C10orf88: variants seen among roughly 807,000 people sequenced by gnomAD.
C10orf88 encodes chromosome 10 open reading frame 88.
C10orf88 carries 29 observed loss-of-function variants against 34.2 expected under a neutral mutation model. The observed-to-expected ratio is 0.85, with a 90% CI of 0.63 to 1.16. The LOEUF (loss-of-function observed/expected upper bound fraction) is 1.16, where lower values mean the gene tolerates loss of function less well. Among genes scored for constraint, C10orf88 ranks in the 50% most tolerant of loss-of-function variants. The pLI is 0.00. For missense variants in C10orf88, 507 were observed against 533.2 expected (o/e 0.95, Z 0.48); for synonymous variants, 194 against 197.4 (o/e 0.98, Z 0.15).
At chr10:122,934,636 T>C (rs1470691481) in intron 5 of C10orf88, among the ~76,000 whole-genome samples, 2 of 152,130 alleles carry the variant, frequency 1.3e-5, no homozygotes, top group African/African-American at 4.8e-5. Context: ...TGTGTACAAG[T>C]TTCTGTGTGG....
intron 4 of C10orf88, among the ~76,000 whole-genome samples, chr10:122,945,735 T>C (rs1848633107): frequency 6.6e-6 from 1 of 152,206 alleles, no homozygotes; most frequent in Non-Finnish European, 1.5e-5. Flanking sequence ...AATGAGTTTG[T>C]GTTTTAAGCT....
intron 3 of C10orf88, among the ~76,000 whole-genome samples, chr10:122,950,137 G>GAACTGA (rs1564723134): frequency 2.0e-5 from 3 of 152,164 alleles, no homozygotes; most frequent in African/African-American, 7.2e-5. Flanking sequence ...TTTAACTTAC[G>GAACTGA]ACTCTGGTAC....
At chr10:122,939,833 G>T (rs769526783) in intron 4 of C10orf88, among the ~76,000 whole-genome samples, 13 of 151,818 alleles carry the variant, frequency 8.6e-5, no homozygotes, top group Admixed American at 1.3e-4. Context: ...TAAGTAGGCA[G>T]AACATTTAAA....
chr10:122,933,438 C>T (rs1848504357), intron 5 of C10orf88: 2 of 152,228 alleles, frequency 1.3e-5, no homozygotes, highest in South Asian at 4.1e-4. Flanking sequence ...CAACTGCACT[C>T]CAGCCTGGGT....
intron 5 of C10orf88, 123 bp from the exon 6 acceptor site, chr10:122,932,784 C>A (rs1848496806): frequency 4.4e-6 from 3 of 683,208 alleles, no homozygotes; most frequent in South Asian, 2.0e-5. Context: ...TGTCTTCTTA[C>A]AATGCATTTC....
intron 4 of C10orf88, among the ~76,000 whole-genome samples, chr10:122,941,243 C>A (rs182107854): frequency 6.6e-6 from 1 of 152,130 alleles, no homozygotes; most frequent in Admixed American, 6.6e-5. Flanking sequence ...ATATAGAATT[C>A]CTATTCAAGA....
At chr10:122,945,861 C>T (rs1224984915) in intron 4 of C10orf88, among the ~76,000 whole-genome samples, 1 of 152,004 alleles carries the variant, frequency 6.6e-6, no homozygotes, top group Non-Finnish European at 1.5e-5. Context: ...CTTTGGGAGG[C>T]CAAGGCAGGT....
At position 122,937,718 on chromosome 10, in the gene C10orf88, T is replaced by C; in HGVS notation, c.1090A>G (p.Ile364Val). ...AATAATACTTACCCAACACCAAGAA[T>C]GCGTTCACCATGCTTGGTGATGTTT... ...QENITKHGER[I>V]LGVGMEEQSI... Residue 364 changes from isoleucine to valine, a missense_variant, in exon 5 of 6, where the codon ATT (isoleucine) becomes GTT (valine). Transcript: ENST00000481909. 1.2e-6 allele frequency: 2 copies of C among 1,603,966 alleles called. No homozygotes were observed. The highest frequency in any genetic ancestry group is 1.7e-6 in the Non-Finnish European group (2 of 1,174,590).
rs576917874 is a variant in C10orf88 at position 122,952,831 on chromosome 10, G to A, written c.366C>T (p.Asp122=). The change falls in exon 2 of 6, where the codon GAC becomes GAT. Residue 122 remains aspartate (D), a splice_region_variant and synonymous_variant. Transcript: ENST00000481909. The part of the protein sequence containing the change: ...RGKNVCTVLD[D]SEHEKIILYK... ...TTTCCCGTGTACAAGTCACACACCT[G>A]TCATCCAGGACAGTACAAACATTCT... is the stretch of plus-strand genomic sequence containing the variant. 4 of 1,614,016 alleles carry A rather than the reference G, an allele frequency of 2.5e-6. No individual in the cohort carries two copies. Among genetic ancestry groups the A allele is most frequent in the Non-Finnish European group, 3.4e-6 (4 of 1,179,996 alleles).
chr10:122,947,534 A>G (rs536981823), intron 4 of C10orf88, among the ~76,000 whole-genome samples: 2 of 152,216 alleles, frequency 1.3e-5, no homozygotes, highest in South Asian at 2.1e-4. Flanking sequence ...GCTGCCTTCT[A>G]TGTTTCTGGT....
intron 5 of C10orf88, among the ~76,000 whole-genome samples, chr10:122,934,401 G>C (rs111960239): frequency 1.3e-5 from 2 of 152,156 alleles, no homozygotes; most frequent in African/African-American, 4.8e-5. Context: ...CATCTCTACA[G>C]TTTTATTATT....
intron 4 of C10orf88, among the ~76,000 whole-genome samples, chr10:122,947,399 G>A (rs1020608750): frequency 6.6e-6 from 1 of 152,048 alleles, no homozygotes; most frequent in Non-Finnish European, 1.5e-5. Flanking sequence ...TTGTACATGA[G>A]GAATTCATAT....
chr10:122,948,862 T>C lies in C10orf88; in HGVS notation c.442-7A>G, dbSNP rs1848664838. 1 of 1,605,572 alleles carries C rather than the reference T, an allele frequency of 6.2e-7. No homozygotes were observed. Among genetic ancestry groups the C allele is most frequent in the East Asian group, 2.2e-5 (1 of 44,830 alleles). ...TTTCGCCAAAGGAGAGCAACTATTA[T>C]AAAACAAAAGTTCCAGAAAAGAATG... On this transcript the variant is annotated splice_polypyrimidine_tract_variant and splice_region_variant and intron_variant, in intron 3 of 5. Coordinates refer to ENST00000481909, the MANE Select transcript of C10orf88 (RefSeq NM_024942.4).
chr10:122,951,631 T>C (rs1848690662), intron 3 of C10orf88, among the ~76,000 whole-genome samples: 1 of 152,188 alleles, frequency 6.6e-6, no homozygotes, highest in Non-Finnish European at 1.5e-5. Flanking sequence ...AATTTCTTTG[T>C]ACATGTTTAC....
chr10:122,950,556 CT>C (rs35488188), intron 3 of C10orf88, among the ~76,000 whole-genome samples: 70,869 of 151,956 alleles, frequency 0.47, 16,815 homozygotes, highest in East Asian at 0.52. Flanking sequence ...AGGAAACACT[CT>C]TATTAACCTC....
intron 4 of C10orf88, among the ~76,000 whole-genome samples, chr10:122,942,629 C>T (rs370532798): frequency 8.1e-5 from 12 of 147,296 alleles, no homozygotes; most frequent in South Asian, 2.2e-4. Context: ...AAAACCCCAT[C>T]GTCTCAGCCC....
chr10:122,950,267 C>T (rs1848678710), intron 3 of C10orf88, among the ~76,000 whole-genome samples: 1 of 152,216 alleles, frequency 6.6e-6, no homozygotes, highest in Admixed American at 6.5e-5. Flanking sequence ...TTTCCAGTAG[C>T]TACCAGTAAG....
In C10orf88 at chr10:122,948,436, CTGAA is replaced by C. The variant is rs1327920760; in HGVS notation, c.648+209_648+212del. Among the ~76,000 whole-genome samples the C allele has an allele frequency of 3.3e-5, 5 of 152,182 alleles. No individual in the cohort carries two copies. In the East Asian group the frequency reaches 5.8e-4, roughly 18 times the overall value. ...TGTTTACTGCAAGAAAAAAATCTTG[CTGAA>C]TGAATGAATGCATTCATAAAAAGTG... On this transcript the variant is annotated intron_variant, in intron 4 of 5. Transcript: ENST00000481909.
At chr10:122,933,026 A>G (rs1457280710) in intron 5 of C10orf88, among the ~76,000 whole-genome samples, 1 of 152,162 alleles carries the variant, frequency 6.6e-6, no homozygotes, top group East Asian at 1.9e-4. Context: ...AACCAACTCT[A>G]TAAAGTTTTT....
Sources: allele counts gnomAD v4.1 joint callset (sites outside exome capture counted in the v4.1 genomes callset), GRCh38; gene constraint gnomAD v4.1.1; transcripts MANE v1.5; gene names NCBI Gene and HGNC (gene_info 2026-07-23, HGNC 2026-07-21).